STRN3: variants seen among roughly 807,000 people sequenced by gnomAD.
STRN3 encodes striatin-3.
STRN3 carries 29 observed loss-of-function variants against 95.6 expected under a neutral mutation model. The ratio of observed to expected loss-of-function variants is 0.30; its 90% confidence interval spans 0.23 to 0.41. The LOEUF is 0.41. Ranked by LOEUF, STRN3 falls within the 10% of genes least tolerant of loss-of-function variation. The pLI is 1.00. For synonymous variants in STRN3, 331 were observed against 357.6 expected, an observed-to-expected ratio of 0.93 and a Z score of 0.84; for missense variants, 890 against 972.1, an observed-to-expected ratio of 0.92 and a Z score of 1.12.
intron 1 of STRN3, among the ~76,000 whole-genome samples, chr14:30,968,396 A>C (rs1880645833): frequency 6.6e-6 from 1 of 151,650 alleles, no homozygotes; most frequent in South Asian, 2.1e-4. Flanking sequence ...AAAAAAAAAA[A>C]AAAAAACAGG....
chr14:30,982,862 C>T (rs1881480077), intron 1 of STRN3, among the ~76,000 whole-genome samples: 1 of 151,932 alleles, frequency 6.6e-6, no homozygotes, highest in Non-Finnish European at 1.5e-5. Flanking sequence ...GTGCTTATTG[C>T]CTGGGTGATG....
chr14:31,025,915 C>A lies in STRN3; in HGVS notation c.271G>T (p.Ala91Ser). 6.2e-7 allele frequency: 1 copy of A among 1,601,108 alleles called. No individual in the cohort carries two copies. The highest frequency in any genetic ancestry group is 8.5e-7 in the Non-Finnish European group (1 of 1,174,248). Reference protein sequence around the residue: ...MERAHWEVERAELQARIAFLQ... With the variant: ...MERAHWEVERSELQARIAFLQ... The stretch of plus-strand genomic sequence containing the variant: ...CCCCAACGAGGTACCTGCAGTTCGG[C>A]CCGTTCCACCTCCCAGTGCGCCCGC... The change falls in exon 1 of 18, where the codon GCC becomes TCC. Residue 91 changes from alanine to serine, a missense_variant. Ala to Ser is a moderately conservative substitution (Grantham distance 99). Around this residue, in one of 3 missense-constraint regions of STRN3, gnomAD observed 526 missense variants for 526.3 expected, o/e 1.00. Coordinates refer to ENST00000357479, the MANE Select transcript of STRN3 (RefSeq NM_001083893.2).
intron 8 of STRN3, among the ~76,000 whole-genome samples, chr14:30,921,173 T>C (rs1594438853): frequency 6.6e-6 from 1 of 152,032 alleles, no homozygotes; most frequent in South Asian, 2.1e-4. Flanking sequence ...ACCAGTTCCA[T>C]CTCTTCTGTA....
At chr14:30,926,448 G>C (rs1365704321) in intron 8 of STRN3, among the ~76,000 whole-genome samples, 2 of 151,954 alleles carry the variant, frequency 1.3e-5, no homozygotes, top group Non-Finnish European at 2.9e-5. Context: ...TTTAAGAAAA[G>C]ATGGATGAAT....
intron 8 of STRN3, among the ~76,000 whole-genome samples, chr14:30,922,065 A>T (rs916661249): frequency 3.3e-5 from 5 of 151,764 alleles, no homozygotes; most frequent in East Asian, 3.9e-4. Flanking sequence ...TTAAAAAAAA[A>T]TTTTGTAGAG....
chr14:30,968,649 A>AGCCT (rs1164743508), intron 1 of STRN3, among the ~76,000 whole-genome samples: 1 of 148,924 alleles, frequency 6.7e-6, no homozygotes, highest in Non-Finnish European at 1.5e-5. Flanking sequence ...ACCGCACTCC[A>AGCCT]GCCTGGGCGA....
chr14:30,999,677 G>C (rs2139285626), intron 1 of STRN3, among the ~76,000 whole-genome samples: 1 of 152,282 alleles, frequency 6.6e-6, no homozygotes, highest in East Asian at 1.9e-4. Flanking sequence ...TCAGAAACCT[G>C]TGGGACACCA....
rs200725583 is a variant in STRN3, at chr14:30,950,956, G to C, written c.461-12C>G. The C allele has an allele frequency of 1.4e-5, 22 of 1,590,852 alleles. No individual in the cohort carries two copies. In the African/African-American group the frequency reaches 2.7e-4, roughly 20 times the overall value. ...GTCTTTGGTTTCTTCTAAAAATTAA[G>C]AAAAAAAAAGTTTTACATACTTTAT... On this transcript the variant is annotated splice_polypyrimidine_tract_variant and intron_variant, in intron 3 of 17. Transcript: ENST00000357479.
chr14:31,025,936 C>T lies in STRN3; in HGVS notation c.250G>A (p.Ala84Thr), dbSNP rs1274395418. 1.9e-6 allele frequency: 3 copies of T among 1,600,538 alleles called. No homozygotes were observed. In the South Asian group the frequency reaches 3.4e-5, roughly 18 times the overall value. The stretch of plus-strand genomic sequence containing the variant: ...TCGGCCCGTTCCACCTCCCAGTGCG[C>T]CCGCTCCATCTCGAACCGAGCCCAC... ...HEWARFEMER[A>T]HWEVERAELQ... is the part of the protein sequence containing the mutation. The change falls in exon 1 of 18, where the codon GCG becomes ACG. Residue 84 changes from alanine to threonine, a missense_variant. Physicochemically the swap from Ala to Thr is moderately conservative, Grantham distance 58. Transcript: ENST00000357479.
rs1380032555 is a variant in STRN3 at position 31,018,569 on chromosome 14, T to C, written c.282+7335A>G. 102 of 475,930 alleles carry C rather than the reference T, an allele frequency of 2.1e-4. 1 individual carries two copies. Among genetic ancestry groups the C allele is most frequent in the Admixed American group, 1.9e-3 (84 of 43,668 alleles). 29.5% of individuals were successfully genotyped at this position (475,930 alleles called of 1,614,324 possible). A position where few individuals can be genotyped will look rare whatever the true frequency, so the allele number is the denominator to read the frequency against. On this transcript the variant is annotated intron_variant, in intron 1 of 17. Transcript: ENST00000357479. ...TGAAGAGGGACTGCACTTTGATGAG[T>C]TGAACAAGCTGTGGGTGTTGGACTC...
At chr14:30,967,883 G>A (rs1448629447) in intron 1 of STRN3, among the ~76,000 whole-genome samples, 3 of 152,296 alleles carry the variant, frequency 2.0e-5, no homozygotes, top group East Asian at 1.9e-4. Flanking sequence ...AGACCTAGGA[G>A]GAAGCCCCTT....
chr14:30,977,435 A>C (rs2139214012), intron 1 of STRN3, among the ~76,000 whole-genome samples: 1 of 152,132 alleles, frequency 6.6e-6, no homozygotes, highest in African/African-American at 2.4e-5. Flanking sequence ...CTAGCAAAAA[A>C]GGGGGAAAGA....
chr14:30,906,502 C>T (rs1198912678), intron 14 of STRN3, among the ~76,000 whole-genome samples: 3 of 151,988 alleles, frequency 2.0e-5, no homozygotes, highest in South Asian at 2.1e-4. Flanking sequence ...CTAGTGTGCT[C>T]GAGGTAATGG....
Position 30,902,171 on chromosome 14 carries a change from C to CAAAAA in STRN3, c.2137+360_2137+364dup, listed in dbSNP as rs71112350. Reference sequence around the variant, plus strand: ...GGGCAACAAGAGCAAAACTCCGCCTCAAAAAAAAAAAAAAAAAAAAAAAAA... The same window carrying CAAAAA: ...GGGCAACAAGAGCAAAACTCCGCCTCAAAAAAAAAAAAAAAAAAAAAAAAAAAAAA... On this transcript the variant is annotated intron_variant, in intron 16 of 17. Coordinates refer to ENST00000357479, the MANE Select transcript of STRN3 (RefSeq NM_001083893.2). Among the ~76,000 whole-genome samples the CAAAAA allele has an allele frequency of 1.1e-3, 42 of 39,850 alleles. 2 individuals are homozygous for CAAAAA. Among genetic ancestry groups the CAAAAA allele is most frequent in the Admixed American group, 1.5e-3 (3 of 2,008 alleles). The allele number at this position is 39,850 out of a possible 152,430, so 26.1% of individuals were successfully genotyped here. A position where few individuals can be genotyped will look rare whatever the true frequency, so the allele number is the denominator to read the frequency against.
chr14:30,914,915 C>G (rs1038782646), intron 9 of STRN3, among the ~76,000 whole-genome samples: 6 of 152,162 alleles, frequency 3.9e-5, no homozygotes, highest in Admixed American at 2.0e-4. Context: ...ATACTACTGA[C>G]CAATTAAACT....
rs1896289767 is a variant in STRN3 at position 30,900,710 on chromosome 14, C to T, written c.2137+1826G>A. Among the ~76,000 whole-genome samples, 3 of 148,292 alleles carry T rather than the reference C, an allele frequency of 2.0e-5. No homozygotes were observed. In the South Asian group the frequency reaches 6.3e-4, roughly 31 times the overall value. On this transcript the variant is annotated intron_variant, in intron 16 of 17. Coordinates refer to ENST00000357479, the MANE Select transcript of STRN3 (RefSeq NM_001083893.2). ...GTTACAGTGAGCTGAGATGGTGCCA[C>T]TGCACTATAGCTCTGGGCAACAGAG... is the stretch of plus-strand genomic sequence containing the variant.
chr14:31,021,662 AG>A (rs1205737539), intron 1 of STRN3, among the ~76,000 whole-genome samples: 13 of 152,258 alleles, frequency 8.5e-5, no homozygotes, highest in African/African-American at 3.1e-4. Context: ...AGTGGATGAC[AG>A]GAAAAACAGA....
chr14:30,918,520 AAG>A lies in STRN3; in HGVS notation c.1240+444_1240+445del. Among the ~76,000 whole-genome samples, 5 of 86,740 alleles carry A rather than the reference AAG, an allele frequency of 5.8e-5. No individual in the cohort carries two copies. In the South Asian group the frequency reaches 8.0e-4, roughly 14 times the overall value. 56.9% of individuals were successfully genotyped at this position (86,740 alleles called of 152,430 possible). A position where few individuals can be genotyped will look rare whatever the true frequency, so the allele number is the denominator to read the frequency against. On this transcript the variant is annotated intron_variant, in intron 9 of 17. Coordinates refer to ENST00000357479, the MANE Select transcript of STRN3 (RefSeq NM_001083893.2). ...TGAGACTCTGTCTCAAGGAAAAAAA[AAG>A]AAAAAAAAAAAGGTTCCAAGCACAA...
rs577448953 is a variant in STRN3 at position 31,002,627 on chromosome 14, C to A, written c.282+23277G>T. ...CTGCACTTCAGTCTGGACAACAGGGCAAGACTGCTTCTCAAAAAAGAAAAA... is the reference window on the plus strand; with the variant it reads ...CTGCACTTCAGTCTGGACAACAGGGAAAGACTGCTTCTCAAAAAAGAAAAA... On this transcript the variant is annotated intron_variant, in intron 1 of 17. Coordinates refer to ENST00000357479, the MANE Select transcript of STRN3 (RefSeq NM_001083893.2). Among the ~76,000 whole-genome samples the A allele has an allele frequency of 3.1e-4, 44 of 142,422 alleles. 1 individual carries two copies. In the South Asian group the frequency reaches 6.4e-3, roughly 21 times the overall value. 93.4% of individuals were successfully genotyped at this position (142,422 alleles called of 152,430 possible). A position where few individuals can be genotyped will look rare whatever the true frequency, so the allele number is the denominator to read the frequency against.
Sources: gnomAD v4.1 joint callset for allele counts (sites outside exome capture counted in the v4.1 genomes callset) on GRCh38, gnomAD v4.1.1 for gene constraint, gnomAD v4.1.1 regional missense constraint, MANE v1.5 for transcripts, NCBI Gene and HGNC (gene_info 2026-07-23, HGNC 2026-07-21) for gene names.